The following PLEKHD1 variants were observed in gnomAD, a reference collection of about 807,000 sequenced individuals.
The protein encoded by PLEKHD1 is pleckstrin homology domain-containing family D member 1.
Under a neutral mutation model 69.2 loss-of-function variants are expected in PLEKHD1, and 51 were observed. That is an observed-to-expected ratio of 0.74 (90% CI 0.59 to 0.93). PLEKHD1 has a LOEUF of 0.93. Among genes scored for constraint, PLEKHD1 ranks in the 40% least tolerant of loss-of-function variants. The pLI, the probability that PLEKHD1 is intolerant of heterozygous loss-of-function variation, is 0.00. For missense variants in PLEKHD1, 584 were observed against 641.0 expected (o/e 0.91, Z 0.96); for synonymous variants, 236 against 244.7 (o/e 0.96, Z 0.33).
intron 6 of PLEKHD1, among the ~76,000 whole-genome samples, chr14:69,507,851 G>A (rs1883186100): frequency 6.6e-6 from 1 of 152,092 alleles, no homozygotes; most frequent in African/African-American, 2.4e-5. Flanking sequence ...TGGGACTATA[G>A]GTGCACTCCA....
chr14:69,500,401 G>A, intron 2 of PLEKHD1, 176 bp from the exon 3 acceptor site: 1 of 691,248 alleles, frequency 1.4e-6, no homozygotes, highest in Non-Finnish European at 2.4e-6. Context: ...CCCAGACCCT[G>A]CCCCAACCCT....
intron 4 of PLEKHD1, 55 bp from the exon 5 acceptor site, chr14:69,501,679 T>C (rs1883027258): frequency 1.5e-6 from 2 of 1,356,500 alleles, no homozygotes; most frequent in Admixed American, 2.3e-5. Flanking sequence ...TCTGTTTTAA[T>C]GATTTTCTGT....
At chr14:69,479,470 G>C in the PLEKHD1 span, among the ~76,000 whole-genome samples, 1 of 152,064 alleles carries the variant, frequency 6.6e-6, no homozygotes, top group Non-Finnish European at 1.5e-5. Flanking sequence ...AGCTGTTGGT[G>C]GGAAGAGTCA....
chr14:69,500,509 G>C, intron 2 of PLEKHD1, 68 bp from the exon 3 acceptor site: 1 of 1,358,824 alleles, frequency 7.4e-7, no homozygotes. Flanking sequence ...TTTGTCCAGG[G>C]GCCCCCAGAA....
At chr14:69,489,413 G>A (rs935989628) in intron 1 of PLEKHD1, among the ~76,000 whole-genome samples, 1 of 151,882 alleles carries the variant, frequency 6.6e-6, no homozygotes, top group Non-Finnish European at 1.5e-5. Flanking sequence ...ACAAAGATTA[G>A]CCAGGCATGG....
intron 6 of PLEKHD1, among the ~76,000 whole-genome samples, chr14:69,511,317 C>A (rs1883266612): frequency 6.6e-6 from 1 of 152,036 alleles, no homozygotes; most frequent in Admixed American, 6.6e-5. Context: ...TGCCACCATG[C>A]CCTGCTAATT....
the PLEKHD1 span, among the ~76,000 whole-genome samples, chr14:69,470,041 G>A: frequency 6.6e-6 from 1 of 152,030 alleles, no homozygotes; most frequent in Non-Finnish European, 1.5e-5. Context: ...CTTAATATCA[G>A]TAATCAGTAA....
upstream of PLEKHD1, among the ~76,000 whole-genome samples, chr14:69,484,161 T>C (rs1317438867): frequency 6.6e-6 from 1 of 152,216 alleles, no homozygotes; most frequent in Non-Finnish European, 1.5e-5. Flanking sequence ...CCAATCTTGA[T>C]GGAGCCCCTC....
chr14:69,471,767 C>G, the PLEKHD1 span, among the ~76,000 whole-genome samples: 2 of 152,144 alleles, frequency 1.3e-5, no homozygotes, highest in African/African-American at 4.8e-5. Context: ...TGAACCACCA[C>G]CCATGGTAGT....
rs769489820 is a variant in PLEKHD1, at chr14:69,500,160, C to T, written c.195C>T (p.Ser65=). 42 of 1,550,436 alleles carry T rather than the reference C, an allele frequency of 2.7e-5. No homozygotes were observed. Among genetic ancestry groups the T allele is most frequent in the East Asian group, 2.0e-4 (8 of 40,922 alleles). The stretch of plus-strand genomic sequence containing the variant: ...GCTTTCTGCTTTACTACTCTGAGAG[C>T]GAAAAAAAGAGCTTTGAAACCAATA... ...KESFLLYYSE[S]EKKSFETNKY... The change falls in exon 2 of 13, where the codon AGC becomes AGT. Residue 65 remains serine, a synonymous_variant. Transcript: ENST00000322564.
At chr14:69,524,123 C>A in intron 7 of PLEKHD1, 106 bp from the exon 8 acceptor site, 1 of 915,004 alleles carries the variant, frequency 1.1e-6, no homozygotes, top group Non-Finnish European at 1.7e-6. Context: ...CAAGAGCCCT[C>A]CTGAGCCCCA....
intron 6 of PLEKHD1, among the ~76,000 whole-genome samples, chr14:69,510,030 C>T (rs545175034): frequency 3.7e-4 from 56 of 151,550 alleles, no homozygotes; most frequent in Admixed American, 2.7e-3. Flanking sequence ...AGTATGTTTC[C>T]GAGCTCTCTA....
At chr14:69,527,081 C>G (rs1777828677) in intron 10 of PLEKHD1, 107 bp from the exon 11 acceptor site, 1 of 1,355,262 alleles carries the variant, frequency 7.4e-7, no homozygotes, top group Non-Finnish European at 9.9e-7. Context: ...TGTGATAACT[C>G]CCATCCACGC....
the PLEKHD1 span, among the ~76,000 whole-genome samples, chr14:69,468,561 CTTTCCTTCCTTCTTTCTTTCTTTCTTTT>C: frequency 6.6e-6 from 1 of 150,454 alleles, no homozygotes; most frequent in Admixed American, 6.7e-5. Flanking sequence ...TTCTTTCTTT[CTTTCCTTCCTTCTTTCTTTCTTTCTTTT>C]CTTTCTGGGT....
intron 8 of PLEKHD1, 83 bp from the exon 9 acceptor site, chr14:69,525,861 C>T (rs2139532651): frequency 7.5e-7 from 1 of 1,336,908 alleles, no homozygotes; most frequent in Non-Finnish European, 1.0e-6. Context: ...TGGGTCACTC[C>T]CCCAAACGGA....
At chr14:69,524,154 A>T in intron 7 of PLEKHD1, 75 bp from the exon 8 acceptor site, 1 of 1,233,708 alleles carries the variant, frequency 8.1e-7, no homozygotes. Flanking sequence ...AAGCAAAAGC[A>T]TTTCTAAGTG....
rs138916052 is a variant in PLEKHD1 at position 69,531,365 on chromosome 14, A to G, written c.*2946A>G. The G allele has an allele frequency of 3.3e-5, 5 of 152,366 alleles. No individual in the cohort carries two copies. Among genetic ancestry groups the G allele is most frequent in the African/African-American group, 9.6e-5 (4 of 41,586 alleles). 9.4% of individuals were successfully genotyped at this position (152,366 alleles called of 1,614,324 possible). A position where few individuals can be genotyped will look rare whatever the true frequency, so the allele number is the denominator to read the frequency against. On this transcript the variant is annotated 3_prime_UTR_variant, in exon 13 of 13. Coordinates refer to ENST00000322564, the MANE Select transcript of PLEKHD1 (RefSeq NM_001161498.2). ...TTATCTTCAGCCAACTGAACAATCC[A>G]TAAGTGTTTATTCGTTAAAAGCTCA...
At chr14:69,522,880 ATATATACATGTATATATC>A (rs1295420680) in intron 7 of PLEKHD1, among the ~76,000 whole-genome samples, 39 of 152,150 alleles carry the variant, frequency 2.6e-4, no homozygotes, top group Admixed American at 1.5e-3. Flanking sequence ...CTCTCTCTAT[ATATATACATGTATATATC>A]TATATACATG....
At chr14:69,526,408 T>C (rs1883648432) in intron 9 of PLEKHD1, among the ~76,000 whole-genome samples, 1 of 152,166 alleles carries the variant, frequency 6.6e-6, no homozygotes, top group East Asian at 1.9e-4. Context: ...AGCCCCCTTT[T>C]ACAAATGAGG....
Sources: allele counts gnomAD v4.1 joint callset (sites outside exome capture counted in the v4.1 genomes callset), GRCh38; gene constraint gnomAD v4.1.1; transcripts MANE v1.5; gene names NCBI Gene and HGNC (gene_info 2026-07-23, HGNC 2026-07-21).